The following GPHN variants were observed in gnomAD, a reference collection of about 807,000 sequenced individuals.
GPHN encodes the protein gephyrin.
Under a neutral mutation model 95.5 loss-of-function variants are expected in GPHN, and 17 were observed. The observed-to-expected ratio is 0.18, with a 90% CI of 0.12 to 0.27. The LOEUF (loss-of-function observed/expected upper bound fraction) is 0.27. GPHN is among the 10% of genes least tolerant of loss of function. The pLI is 1.00. For missense variants in GPHN, 660 were observed against 978.1 expected, an observed-to-expected ratio of 0.67 and a Z score of 4.34; for synonymous variants, 320 against 322.5, an observed-to-expected ratio of 0.99 and a Z score of 0.08.
chr14:67,372,302 CTTAAAA>C, the GPHN span, among the ~76,000 whole-genome samples: 3 of 152,088 alleles, frequency 2.0e-5, no homozygotes, highest in African/African-American at 7.2e-5. Context: ...CAAAAGTTAG[CTTAAAA>C]TGAATCATAG....
At chr14:66,985,805 G>A (rs1384219875) in intron 9 of GPHN, 6 of 825,286 alleles carry the variant, frequency 7.3e-6, no homozygotes, top group South Asian at 1.8e-5. Context: ...CTTTTTGGAG[G>A]GTGGTGGGAG....
At chr14:66,571,196 T>C (rs1018271701) in intron 1 of GPHN, among the ~76,000 whole-genome samples, 4 of 152,118 alleles carry the variant, frequency 2.6e-5, no homozygotes, top group Non-Finnish European at 5.9e-5. Context: ...CTTCTTCACG[T>C]GGCAGGAGAG....
intron 1 of GPHN, among the ~76,000 whole-genome samples, chr14:66,593,465 T>G (rs1359061746): frequency 6.6e-6 from 1 of 152,026 alleles, no homozygotes; most frequent in East Asian, 1.9e-4. Flanking sequence ...AGAGAGCATG[T>G]AATGGAAGCA....
intron 9 of GPHN, among the ~76,000 whole-genome samples, chr14:67,007,154 C>T (rs543825183): frequency 6.6e-6 from 1 of 152,162 alleles, no homozygotes; most frequent in South Asian, 2.1e-4. Flanking sequence ...AGAAAATAAA[C>T]CAGATGTTAT....
At chr14:67,733,040 G>A in the GPHN span, among the ~76,000 whole-genome samples, 13 of 152,166 alleles carry the variant, frequency 8.5e-5, no homozygotes, top group East Asian at 2.5e-3. Flanking sequence ...GTTCATGGGT[G>A]CAGCACACCA....
chr14:67,648,037 T>C, the GPHN span: 1 of 1,601,078 alleles, frequency 6.2e-7, no homozygotes, highest in Non-Finnish European at 8.5e-7. Flanking sequence ...TTTATCCTCT[T>C]CCTTTTTAGG....
the GPHN span, among the ~76,000 whole-genome samples, chr14:67,548,732 A>G: frequency 6.6e-6 from 1 of 152,188 alleles, no homozygotes; most frequent in Non-Finnish European, 1.5e-5. Context: ...GTGACAAAAC[A>G]TTATTCTTTT....
chr14:66,751,614 G>T (rs1164760533), intron 2 of GPHN, among the ~76,000 whole-genome samples: 2 of 151,872 alleles, frequency 1.3e-5, no homozygotes, highest in Non-Finnish European at 2.9e-5. Flanking sequence ...TGCATAGTTT[G>T]CAAAAATTTT....
intron 4 of GPHN, among the ~76,000 whole-genome samples, chr14:66,854,994 C>T (rs1475618702): frequency 1.3e-5 from 2 of 151,904 alleles, no homozygotes; most frequent in East Asian, 1.9e-4. Context: ...ATTACAGGTG[C>T]GTGCCACCAA....
the GPHN span, chr14:67,575,877 T>G: frequency 6.2e-7 from 1 of 1,613,952 alleles, no homozygotes; most frequent in South Asian, 1.1e-5. Context: ...AGTAGATCGA[T>G]CCTGTGACTC....
the GPHN span, among the ~76,000 whole-genome samples, chr14:67,237,279 C>T: frequency 6.6e-6 from 1 of 151,900 alleles, no homozygotes; most frequent in Admixed American, 6.6e-5. Flanking sequence ...ATTCTAAGTA[C>T]TAATTCACTG....
chr14:67,308,895 T>G, the GPHN span, among the ~76,000 whole-genome samples: 1 of 152,266 alleles, frequency 6.6e-6, no homozygotes, highest in East Asian at 1.9e-4. Flanking sequence ...AAACAATATT[T>G]TGGAACATTG....
chr14:67,648,571 T>C, the GPHN span: 1 of 158,858 alleles, frequency 6.3e-6, no homozygotes, highest in African/African-American at 2.4e-5. Flanking sequence ...GTTGTGAATT[T>C]GGAGCTAAAG....
chr14:67,525,423 T>G, the GPHN span, among the ~76,000 whole-genome samples: 5 of 152,232 alleles, frequency 3.3e-5, no homozygotes, highest in Non-Finnish European at 5.9e-5. Context: ...AATACTTTAC[T>G]TACTAGTCCT....
At chr14:66,636,668 G>GAC (rs2064117735) in intron 1 of GPHN, among the ~76,000 whole-genome samples, 1 of 151,956 alleles carries the variant, frequency 6.6e-6, no homozygotes, top group South Asian at 2.1e-4. Context: ...GATCCCAAAT[G>GAC]ACACACACAC....
At chr14:67,595,799 TGGAGGACAAGTA>T in the GPHN span, among the ~76,000 whole-genome samples, 9 of 152,042 alleles carry the variant, frequency 5.9e-5, no homozygotes, top group Non-Finnish European at 1.2e-4. Context: ...GAGGACCAGG[TGGAGGACAAGTA>T]GGGCACACTA....
chr14:66,853,384 G>C (rs1045686702), intron 4 of GPHN, among the ~76,000 whole-genome samples: 1 of 152,130 alleles, frequency 6.6e-6, no homozygotes. Context: ...TCAAAGATGA[G>C]AATAGTATGT....
At chr14:67,509,830 G>A in the GPHN span, among the ~76,000 whole-genome samples, 1 of 151,978 alleles carries the variant, frequency 6.6e-6, no homozygotes, top group Non-Finnish European at 1.5e-5. Flanking sequence ...AACATAGCGA[G>A]TTATAAAGAC....
At chr14:66,873,270 G>C (rs2153529061) in intron 4 of GPHN, among the ~76,000 whole-genome samples, 1 of 152,328 alleles carries the variant, frequency 6.6e-6, no homozygotes, top group Admixed American at 6.5e-5. Context: ...GCAAACCGCA[G>C]ACCAGGAGAT....
Sources: allele counts gnomAD v4.1 joint callset (sites outside exome capture counted in the v4.1 genomes callset), GRCh38; gene constraint gnomAD v4.1.1; transcripts MANE v1.5; gene names NCBI Gene and HGNC (gene_info 2026-07-23, HGNC 2026-07-21).